Variants in CWF19L1 observed in about 807,000 individuals in gnomAD.
CWF19L1 encodes CWF19-like protein 1.
A neutral mutation model predicts 69.7 loss-of-function variants in CWF19L1; 60 were observed. The ratio of observed to expected loss-of-function variants is 0.86; its 90% CI spans 0.70 to 1.07. CWF19L1 has a LOEUF of 1.07. Among genes scored for constraint, CWF19L1 ranks in the 50% least tolerant of loss-of-function variants. CWF19L1 has a pLI of 0.00. For missense variants in CWF19L1, 591 were observed against 638.9 expected, an observed-to-expected ratio of 0.92 and a Z score of 0.81; for synonymous variants, 209 against 222.2, an observed-to-expected ratio of 0.94 and a Z score of 0.53.
chr10:100,250,372 T>C, intron 6 of CWF19L1, 40 bp from the exon 7 acceptor site: 1 of 1,336,106 alleles, frequency 7.5e-7, no homozygotes, highest in Admixed American at 1.7e-5. Flanking sequence ...CAAACAATTT[T>C]ACTTTTGATT....
intron 8 of CWF19L1, 31 bp downstream of exon 8, chr10:100,246,764 A>G (rs1846836648): frequency 6.3e-7 from 1 of 1,581,348 alleles, no homozygotes; most frequent in South Asian, 1.1e-5. Context: ...AAGAACACAT[A>G]TAAAAATGCC....
chr10:100,250,337 A>C lies in CWF19L1; in HGVS notation c.624-5T>G. On this transcript the variant is annotated splice_region_variant and splice_polypyrimidine_tract_variant and intron_variant, in intron 6 of 13. Coordinates refer to ENST00000354105, the MANE Select transcript of CWF19L1 (RefSeq NM_018294.6). ...TCCTGTAGAATGATATGGTTTCTAC[A>C]ACATATTTGAGAGACAAAAAATTGC... 6.3e-7 allele frequency: 1 copy of C among 1,596,716 alleles called. No individual in the cohort carries two copies. The highest frequency in any genetic ancestry group is 2.2e-5 in the East Asian group (1 of 44,812).
Position 100,256,179 on chromosome 10 carries a change from A to G in CWF19L1, c.504+83T>C, listed in dbSNP as rs536471520. On this transcript the variant is annotated intron_variant, in intron 5 of 13. Transcript: ENST00000354105. ...AGGTACCCAAGAGCTAAAATACTCAATATAAACAGGAAAAGAAAAAAGTCC... is the reference window on the plus strand; with the variant it reads ...AGGTACCCAAGAGCTAAAATACTCAGTATAAACAGGAAAAGAAAAAAGTCC... The G allele has an allele frequency of 1.1e-3, 1,106 of 1,051,864 alleles. 14 individuals carry two copies. The South Asian group carries it at 0.014, about 13-fold the overall frequency. 65.2% of individuals were successfully genotyped at this position (1,051,864 alleles called of 1,614,324 possible).
chr10:100,261,252 A>T (rs1374400664), intron 2 of CWF19L1, among the ~76,000 whole-genome samples: 1 of 152,218 alleles, frequency 6.6e-6, no homozygotes, highest in Non-Finnish European at 1.5e-5. Flanking sequence ...TTGGCTGTCA[A>T]ATTCAAGTTA....
Position 100,238,230 on chromosome 10 carries a change from C to T in CWF19L1, c.1046G>A (p.Cys349Tyr). The T allele has an allele frequency of 1.2e-6, 2 of 1,614,082 alleles. No individual in the cohort carries two copies. Among genetic ancestry groups the T allele is most frequent in the Non-Finnish European group, 1.7e-6 (2 of 1,179,946 alleles). ...GCCTCCTTTGGCCAGGGCAAGGTAG[C>T]ACTGAAGAAGCAGCACACAGAATTG... ...KHLVVNIGTH[C>Y]YLALAKGGLS... Residue 349 changes from cysteine (C) to tyrosine (Y), a missense_variant and splice_region_variant, in exon 11 of 14, where the codon TGC becomes TAC. Around this residue, in one of 3 missense-constraint regions of CWF19L1, gnomAD observed 458 missense variants for 489.3 expected, o/e 0.94. Transcript: ENST00000354105.
At chr10:100,262,318 T>C in intron 1 of CWF19L1, 2 of 985,462 alleles carry the variant, frequency 2.0e-6, no homozygotes, top group Non-Finnish European at 2.4e-6. Flanking sequence ...TCCTAAGTTT[T>C]GTGGACATGT....
In CWF19L1 at chr10:100,256,374, T is replaced by G. The variant is rs962230999; in HGVS notation, c.392A>C (p.Lys131Thr). ...CATCATTCTCAGAGAAGACACATCCTTGGGACTAAAACTATAACCTGGTAC... is the reference window on the plus strand; with the variant it reads ...CATCATTCTCAGAGAAGACACATCCGTGGGACTAAAACTATAACCTGGTAC... Reference protein sequence around the residue: ...EPVPGYSFSPKDVSSLRMMLC... With the variant: ...EPVPGYSFSPTDVSSLRMMLC... Residue 131 changes from lysine to threonine, a missense_variant, in exon 5 of 14, where the codon AAG becomes ACG. Around this residue, in one of 3 missense-constraint regions of CWF19L1, gnomAD observed 458 missense variants for 489.3 expected, o/e 0.94. Transcript: ENST00000354105. 1 of 1,613,990 alleles carries G rather than the reference T, an allele frequency of 6.2e-7. No individual in the cohort carries two copies. Among genetic ancestry groups the G allele is most frequent in the Non-Finnish European group, 8.5e-7 (1 of 1,179,952 alleles).
chr10:100,242,697 A>T (rs1036564962), intron 10 of CWF19L1, among the ~76,000 whole-genome samples: 3 of 151,846 alleles, frequency 2.0e-5, no homozygotes, highest in African/African-American at 7.2e-5. Flanking sequence ...AAAAAATTTC[A>T]TAAGGCTCTA....
chr10:100,264,252 T>G (rs1847497244), intron 1 of CWF19L1, among the ~76,000 whole-genome samples: 1 of 152,154 alleles, frequency 6.6e-6, no homozygotes, highest in Non-Finnish European at 1.5e-5. Flanking sequence ...TGTATAATAT[T>G]TAGCATGCTA....
chr10:100,259,641 G>C (rs1332985888), intron 4 of CWF19L1, among the ~76,000 whole-genome samples: 1 of 152,102 alleles, frequency 6.6e-6, no homozygotes, highest in Non-Finnish European at 1.5e-5. Context: ...GGCTAAACAA[G>C]TGTGTACCGG....
At position 100,260,314 on chromosome 10, in the gene CWF19L1, T is replaced by C. The variant is rs1177297331; in HGVS notation, c.193A>G (p.Ile65Val). The change falls in exon 4 of 14, where the codon ATT becomes GTT. Residue 65 changes from isoleucine to valine, a missense_variant. Physicochemically the swap from Ile to Val is conservative, Grantham distance 29. Transcript: ENST00000354105. Reference protein sequence around the residue: ...EYKTGIKKAPIQTYVLGANNQ... With the variant: ...EYKTGIKKAPVQTYVLGANNQ... ...TTAGCACCAAGCACATATGTCTGAA[T>C]AGGAGCTAGTGAGGGAAACAGACAT... The C allele has an allele frequency of 1.3e-6, 2 of 1,589,498 alleles. No individual in the cohort carries two copies. Among genetic ancestry groups the C allele is most frequent in the South Asian group, 2.2e-5 (2 of 90,042 alleles).
At chr10:100,257,287 CTTTTTTTT>C (rs55939570) in intron 4 of CWF19L1, among the ~76,000 whole-genome samples, 8 of 105,848 alleles carry the variant, frequency 7.6e-5, no homozygotes, top group African/African-American at 2.9e-4. Flanking sequence ...AGTGCTTTAC[CTTTTTTTT>C]TTTTTTTTTT....
chr10:100,267,488 C>G, intron 1 of CWF19L1, 83 bp downstream of exon 1: 1 of 1,612,430 alleles, frequency 6.2e-7, no homozygotes, highest in Non-Finnish European at 8.5e-7. Flanking sequence ...CCCTTCCCGT[C>G]ATGGGAAAGA....
chr10:100,246,031 C>T (rs772802454), intron 8 of CWF19L1, 118 bp from the exon 9 acceptor site: 21 of 737,634 alleles, frequency 2.8e-5, no homozygotes, highest in Non-Finnish European at 4.6e-5. Context: ...CTTCTCAGTC[C>T]TTTCTGCACA....
intron 5 of CWF19L1, chr10:100,254,246 G>C (rs1313166206): frequency 6.6e-6 from 1 of 152,216 alleles, no homozygotes; most frequent in East Asian, 1.9e-4. Context: ...AAAGCGAAAA[G>C]CTAGGCTTCA....
chr10:100,254,503 G>A (rs1292569625), intron 5 of CWF19L1: 1 of 152,060 alleles, frequency 6.6e-6, no homozygotes, highest in African/African-American at 2.4e-5. Context: ...TCTAAGAGAA[G>A]GTATTACTTG....
chr10:100,247,035 C>T, intron 7 of CWF19L1, 100 bp from the exon 8 acceptor site: 2 of 1,138,378 alleles, frequency 1.8e-6, no homozygotes, highest in Non-Finnish European at 2.4e-6. Context: ...ACATGTGAAA[C>T]TCAGTAAAAT....
At chr10:100,242,751 C>A (rs1396447974) in intron 10 of CWF19L1, among the ~76,000 whole-genome samples, 2 of 151,488 alleles carry the variant, frequency 1.3e-5, no homozygotes, top group African/African-American at 4.8e-5. Flanking sequence ...ACATTTTTAA[C>A]CCAATACAGG....
At chr10:100,236,695 G>A (rs908128978) in intron 12 of CWF19L1, among the ~76,000 whole-genome samples, 155 bp downstream of exon 12, 24 of 152,274 alleles carry the variant, frequency 1.6e-4, no homozygotes, top group Admixed American at 1.1e-3. Context: ...ACTTGAACCC[G>A]GAAGGCGGAG....
Sources: gnomAD v4.1 joint callset for allele counts (sites outside exome capture counted in the v4.1 genomes callset) on GRCh38, gnomAD v4.1.1 for gene constraint, gnomAD v4.1.1 regional missense constraint, MANE v1.5 for transcripts, NCBI Gene and HGNC (gene_info 2026-07-23, HGNC 2026-07-21) for gene names.